The following KIAA1755 variants were observed in gnomAD, a reference collection of about 807,000 sequenced individuals.
KIAA1755 encodes KIAA1755, also known as uncharacterized protein KIAA1755.
KIAA1755 carries 68 observed loss-of-function variants against 91.7 expected under a neutral mutation model. The ratio of observed to expected loss-of-function variants is 0.74; its 90% CI spans 0.61 to 0.91. The LOEUF (loss-of-function observed/expected upper bound fraction) is 0.91, where lower values mean the gene tolerates loss of function less well. KIAA1755 is among the 40% of genes least tolerant of loss of function. The pLI is 0.00. For synonymous variants in KIAA1755, 610 were observed against 604.6 expected (o/e 1.01, Z -0.13); for missense variants, 1,535 against 1,494.4 (o/e 1.03, Z -0.45).
At position 38,240,729 on chromosome 20, in the gene KIAA1755, T is replaced by TG. The variant is rs752354849; in HGVS notation, c.1401dup (p.Thr468HisfsTer40). 2.6e-6 allele frequency: 4 copies of TG among 1,567,734 alleles called. No homozygotes were observed. The highest frequency in any genetic ancestry group is 2.3e-5 in the East Asian group (1 of 44,406). ...AAGAATGAGAATTTGAGCCCAGGAG[T>TG]GGGGGGCTCAGGGGAGGAGGTGTTT... On this transcript the variant is annotated frameshift_variant, in exon 3 of 14. Coordinates refer to ENST00000279024, the MANE Select transcript of KIAA1755 (RefSeq NM_001029864.2). LOFTEE classifies it high-confidence loss of function.
At chr20:38,216,512 A>G (rs2075545869) in intron 13 of KIAA1755, among the ~76,000 whole-genome samples, 1 of 152,204 alleles carries the variant, frequency 6.6e-6, no homozygotes. Context: ...AGCCAAGGGC[A>G]CTGGGTCTGG....
intron 4 of KIAA1755, among the ~76,000 whole-genome samples, chr20:38,231,552 T>C (rs2075864003): frequency 6.6e-6 from 1 of 152,192 alleles, no homozygotes; most frequent in Non-Finnish European, 1.5e-5. Flanking sequence ...GAGCACTCCC[T>C]CTGTATAAGA....
rs773724758 is a variant in KIAA1755 at position 38,241,297 on chromosome 20, G to C, written c.834C>G (p.Leu278=). 10 of 1,614,044 alleles carry C rather than the reference G, an allele frequency of 6.2e-6. No individual in the cohort carries two copies. In the Admixed American group the frequency reaches 1.5e-4, roughly 24 times the overall value. ...CTCTGCTCTCTTGGGAAAAGCCTAG[G>C]AGAGCCACATAGTCTCCCTCGAAGT... ...SQDFEGDYVA[L]LGFSQESRGE... Residue 278 remains leucine, a synonymous_variant, in exon 3 of 14, where the codon CTC becomes CTG. Transcript: ENST00000279024.
intron 1 of KIAA1755, among the ~76,000 whole-genome samples, chr20:38,252,427 G>A (rs988654926): frequency 1.2e-4 from 18 of 152,138 alleles, no homozygotes; most frequent in African/African-American, 2.9e-4. Flanking sequence ...CCCACACAAC[G>A]ATGCCAGGAG....
At chr20:38,218,103 T>C in intron 12 of KIAA1755, 141 bp downstream of exon 12, 1 of 1,045,424 alleles carries the variant, frequency 9.6e-7, no homozygotes, top group Non-Finnish European at 1.4e-6. Context: ...AGCTGAACTC[T>C]GCAATCCAAG....
At chr20:38,258,644 T>G (rs1344621921) in intron 1 of KIAA1755, among the ~76,000 whole-genome samples, 3 of 152,034 alleles carry the variant, frequency 2.0e-5, no homozygotes, top group South Asian at 4.1e-4. Context: ...AAGAATTCAT[T>G]AGGTGAAGGT....
At chr20:38,231,958 T>G (rs2075872295) in intron 4 of KIAA1755, among the ~76,000 whole-genome samples, 1 of 152,182 alleles carries the variant, frequency 6.6e-6, no homozygotes, top group Admixed American at 6.5e-5. Flanking sequence ...TCCAGGAATC[T>G]GGGCGGTGTG....
At chr20:38,244,060 C>T (rs149697671) in intron 2 of KIAA1755, among the ~76,000 whole-genome samples, 35 of 152,290 alleles carry the variant, frequency 2.3e-4, no homozygotes, top group African/African-American at 8.2e-4. Flanking sequence ...CTTCCCATTG[C>T]TCTGAGATTG....
rs771540846 is a variant in KIAA1755, at chr20:38,213,306, G to T, written c.3339C>A (p.Pro1113=). 2 of 1,613,536 alleles carry T rather than the reference G, an allele frequency of 1.2e-6. No individual in the cohort carries two copies. The highest frequency in any genetic ancestry group is 3.3e-5 in the Admixed American group (2 of 59,954). ...LPKSYWPPGP[P]RGEQNRTFQA... is the part of the protein sequence containing the mutation. ...GGAAAGTTCTGTTCTGTTCCCCTCT[G>T]GGGGGCCCAGGAGGCCAATAGGACT... The change falls in exon 14 of 14, where the codon CCC becomes CCA. Residue 1113 remains proline (P), a synonymous_variant. Coordinates refer to ENST00000279024, the MANE Select transcript of KIAA1755 (RefSeq NM_001029864.2).
intron 1 of KIAA1755, among the ~76,000 whole-genome samples, chr20:38,258,951 G>T (rs1473243916): frequency 6.6e-6 from 1 of 152,164 alleles, no homozygotes; most frequent in African/African-American, 2.4e-5. Context: ...GTGAAAGCAG[G>T]AGAGGCTTGG....
chr20:38,219,356 T>C lies in KIAA1755; in HGVS notation c.2556+274A>G, dbSNP rs567162240. 4.6e-5 allele frequency among the ~76,000 whole-genome samples: 7 copies of C among 152,234 alleles called. No individual in the cohort carries two copies. In the South Asian group the frequency reaches 1.4e-3, roughly 32 times the overall value. ...CCTTCCCCATGAGTTCAGAAAGCAA[T>C]GATGTTCACAACGGCTCTGGCCCAG... On this transcript the variant is annotated intron_variant, in intron 11 of 13. Transcript: ENST00000279024.
chr20:38,247,305 C>T (rs555144698), intron 1 of KIAA1755, among the ~76,000 whole-genome samples: 1 of 152,320 alleles, frequency 6.6e-6, no homozygotes, highest in East Asian at 1.9e-4. Flanking sequence ...CCCGCCTCCC[C>T]TCCAGCCTCG....
chr20:38,222,897 A>C (rs1279731426), intron 9 of KIAA1755: 1 of 478,988 alleles, frequency 2.1e-6, no homozygotes, highest in African/African-American at 2.0e-5. Flanking sequence ...AGTTGAACGG[A>C]TCTCAAAGTG....
Position 38,241,035 on chromosome 20 carries a change from C to G in KIAA1755, c.1096G>C (p.Glu366Gln). Reference protein sequence around the residue: ...VNLKAPTHNSERPPQGSYMNV... With the variant: ...VNLKAPTHNSQRPPQGSYMNV... ...ATGTAGGAGCCTTGGGGCGGCCTTT[C>G]TGAGTTGTGGGTGGGTGCTTTAAGA... The change falls in exon 3 of 14, where the codon GAA becomes CAA. Residue 366 changes from glutamate to glutamine, a missense_variant. By Grantham distance (29) the Glu-to-Gln change is conservative. Coordinates refer to ENST00000279024, the MANE Select transcript of KIAA1755 (RefSeq NM_001029864.2). 6.2e-7 allele frequency: 1 copy of G among 1,614,164 alleles called. No homozygotes were observed. Among genetic ancestry groups the G allele is most frequent in the Non-Finnish European group, 8.5e-7 (1 of 1,180,036 alleles).
At chr20:38,260,374 A>G (rs2123385885) in intron 1 of KIAA1755, 124 bp downstream of exon 1, 1 of 1,599,684 alleles carries the variant, frequency 6.3e-7, no homozygotes, top group East Asian at 2.3e-5. Flanking sequence ...CAACCCTGCC[A>G]AGGCACTGAG....
intron 8 of KIAA1755, 152 bp from the exon 9 acceptor site, chr20:38,223,788 C>A: frequency 1.6e-6 from 1 of 611,532 alleles, no homozygotes; most frequent in South Asian, 2.0e-5. Flanking sequence ...AAAACACAGG[C>A]TCTGGGCTCT....
Position 38,241,232 on chromosome 20 carries a change from C to G in KIAA1755, c.899G>C (p.Cys300Ser). The G allele has an allele frequency of 6.2e-7, 1 of 1,614,148 alleles. No homozygotes were observed. The highest frequency in any genetic ancestry group is 8.5e-7 in the Non-Finnish European group (1 of 1,180,022). ...TATCTCCTCTAGTGCCCCAGAAGTACACCCACTGGATGTGCCTGCCTCCCT... is the reference window on the plus strand; with the variant it reads ...TATCTCCTCTAGTGCCCCAGAAGTAGACCCACTGGATGTGCCTGCCTCCCT... ...PSREAGTSSG[C>S]TSGALEEIAG... Residue 300 changes from cysteine to serine, a missense_variant, in exon 3 of 14, where the codon TGT (cysteine) becomes TCT (serine). By Grantham distance (112) the Cys-to-Ser change is moderately radical (BLOSUM62 -1). Transcript: ENST00000279024.
chr20:38,259,456 T>A (rs2077954), intron 1 of KIAA1755, among the ~76,000 whole-genome samples: 6 of 130,518 alleles, frequency 4.6e-5, no homozygotes, highest in African/African-American at 1.4e-4. Context: ...TGCATGTGTA[T>A]GTGTGTGTGC....
intron 2 of KIAA1755, among the ~76,000 whole-genome samples, chr20:38,243,966 T>C (rs139508609): frequency 4.5e-4 from 69 of 152,302 alleles, no homozygotes; most frequent in African/African-American, 1.6e-3. Context: ...AGAGGTGGCA[T>C]GGATCTCCAA....
Sources: allele counts gnomAD v4.1 joint callset (sites outside exome capture counted in the v4.1 genomes callset), GRCh38; gene constraint gnomAD v4.1.1; transcripts MANE v1.5; gene names NCBI Gene and HGNC (gene_info 2026-07-23, HGNC 2026-07-21).